The following PLA2R1 variants were observed in gnomAD, a reference collection of about 807,000 sequenced individuals.
PLA2R1 encodes secretory phospholipase A2 receptor.
A neutral mutation model predicts 195.9 loss-of-function variants in PLA2R1; 158 were observed. The ratio of observed to expected loss-of-function variants is 0.81; its 90% CI spans 0.71 to 0.92. PLA2R1 has a LOEUF of 0.92. Ranked by LOEUF, PLA2R1 falls within the 40% of genes least tolerant of loss-of-function variation. PLA2R1 has a pLI of 0.00. For synonymous variants in PLA2R1, 586 were observed against 598.2 expected (o/e 0.98, Z 0.30); for missense variants, 1,626 against 1,764.6 (o/e 0.92, Z 1.41).
rs534121596 is a variant in PLA2R1 at position 159,964,282 on chromosome 2, T to C, written c.2904+3257A>G. Among the ~76,000 whole-genome samples, 3 of 152,302 alleles carry C rather than the reference T, an allele frequency of 2.0e-5. No individual in the cohort carries two copies. The South Asian group carries it at 6.2e-4, about 32-fold the overall frequency. On this transcript the variant is annotated intron_variant, in intron 20 of 29. Coordinates refer to ENST00000283243, the MANE Select transcript of PLA2R1 (RefSeq NM_007366.5). ...ATGGTTACAGAGTTTCTGTTTGGGA[T>C]AGTGAGAATGTTTTGGAAATAGAGA...
At chr2:159,945,513 C>T (rs547134466) in intron 27 of PLA2R1, among the ~76,000 whole-genome samples, 1 of 152,354 alleles carries the variant, frequency 6.6e-6, no homozygotes, top group Admixed American at 6.5e-5. Context: ...CATGTCCCTA[C>T]AAAGGACATG....
intron 8 of PLA2R1, among the ~76,000 whole-genome samples, chr2:160,019,339 C>T (rs150961988): frequency 2.0e-5 from 3 of 152,192 alleles, no homozygotes; most frequent in African/African-American, 7.2e-5. Flanking sequence ...TTCATCACAG[C>T]AGTCAATGGC....
intron 9 of PLA2R1, among the ~76,000 whole-genome samples, chr2:160,014,013 A>G (rs566356888): frequency 9.9e-5 from 15 of 152,172 alleles, no homozygotes; most frequent in Non-Finnish European, 2.1e-4. Context: ...AACAAAGAGA[A>G]TATATGTATC....
intron 6 of PLA2R1, among the ~76,000 whole-genome samples, chr2:160,026,151 T>G (rs67650243): frequency 0.16 from 25,096 of 152,158 alleles, 2,379 homozygotes; most frequent in African/African-American, 0.24. Flanking sequence ...CAGTCAATTT[T>G]ATTTTAAAAA....
chr2:159,942,030 C>G, intron 29 of PLA2R1, 38 bp from the exon 30 acceptor site: 1 of 1,579,630 alleles, frequency 6.3e-7, no homozygotes, highest in South Asian at 1.1e-5. Flanking sequence ...AGAAAAACTT[C>G]AGTGGCGATG....
intron 2 of PLA2R1, among the ~76,000 whole-genome samples, chr2:160,044,144 CTTT>C (rs11448444): frequency 6.6e-6 from 1 of 151,192 alleles, no homozygotes; most frequent in African/African-American, 2.4e-5. Flanking sequence ...ATGTAACTTT[CTTT>C]TTTTTTCTGT....
At chr2:160,051,409 G>A (rs1553469585) in intron 1 of PLA2R1, among the ~76,000 whole-genome samples, 1 of 152,220 alleles carries the variant, frequency 6.6e-6, no homozygotes, top group Non-Finnish European at 1.5e-5. Context: ...CTGCCCGGCA[G>A]CCTGTCTTGA....
chr2:159,967,094 G>A (rs1203841888), intron 20 of PLA2R1, among the ~76,000 whole-genome samples: 3 of 152,058 alleles, frequency 2.0e-5, no homozygotes, highest in Non-Finnish European at 4.4e-5. Context: ...AGTAGGAGAT[G>A]GAGTCTGGGT....
rs1689536941 is a variant in PLA2R1, at chr2:159,976,131, G to A, written c.2532C>T (p.His844=). The stretch of plus-strand genomic sequence containing the variant: ...CAGAATGAATTGTGAGAAGATCACT[G>A]TGCAGCCAGCTACAGACAAACTCAA... The part of the protein sequence containing the change: ...LNFEFVCSWL[H]SDLLTIHSAH... Residue 844 remains histidine, a synonymous_variant, in exon 17 of 30, where the codon CAC becomes CAT. Coordinates refer to ENST00000283243, the MANE Select transcript of PLA2R1 (RefSeq NM_007366.5). 6.2e-7 allele frequency: 1 copy of A among 1,612,594 alleles called. No individual in the cohort carries two copies. Among genetic ancestry groups the A allele is most frequent in the Non-Finnish European group, 8.5e-7 (1 of 1,178,852 alleles).
chr2:159,930,532 C>G (rs1358338264), downstream of PLA2R1, among the ~76,000 whole-genome samples: 1 of 152,154 alleles, frequency 6.6e-6, no homozygotes, highest in Non-Finnish European at 1.5e-5. Flanking sequence ...CTGTTCCCCC[C>G]AAACCCCTTG....
chr2:159,996,517 G>A (rs1691222017), intron 11 of PLA2R1, among the ~76,000 whole-genome samples: 1 of 152,020 alleles, frequency 6.6e-6, no homozygotes, highest in Non-Finnish European at 1.5e-5. Flanking sequence ...ATGTCTACGT[G>A]TAGTTTTTCG....
chr2:159,930,278 C>T (rs539878942), downstream of PLA2R1, among the ~76,000 whole-genome samples: 2 of 152,040 alleles, frequency 1.3e-5, no homozygotes, highest in Non-Finnish European at 2.9e-5. Flanking sequence ...CATGGTGGCA[C>T]GCGCCTGTAG....
At chr2:159,951,242 A>G (rs558686834) in intron 24 of PLA2R1, 98 bp downstream of exon 24, 9 of 717,864 alleles carry the variant, frequency 1.3e-5, no homozygotes, top group South Asian at 1.0e-4. Context: ...TATTTTTGGG[A>G]TCTTTTTTTC....
intron 11 of PLA2R1, among the ~76,000 whole-genome samples, chr2:160,002,119 G>A (rs1691640949): frequency 6.6e-6 from 1 of 151,696 alleles, no homozygotes; most frequent in South Asian, 2.1e-4. Context: ...CTTGACCACA[G>A]TGCAATTAAA....
In PLA2R1 at chr2:159,940,873, C is replaced by A. The variant is rs1228540109; in HGVS notation, c.*905G>T. ...GTTCTAATGAGACTATAATTCAGAT[C>A]TTTAGCTCTTCTCCTTTAAATCCAA... On this transcript the variant is annotated 3_prime_UTR_variant, in exon 30 of 30. Transcript: ENST00000283243. 1 of 152,116 alleles carries A rather than the reference C, an allele frequency of 6.6e-6. No homozygotes were observed. The highest frequency in any genetic ancestry group is 1.9e-4 in the East Asian group (1 of 5,186). 9.4% of individuals were successfully genotyped at this position (152,116 alleles called of 1,614,324 possible).
Position 160,044,847 on chromosome 2 carries a change from G to C in PLA2R1, c.420C>G (p.Ala140=). 6.2e-7 allele frequency: 1 copy of C among 1,613,902 alleles called. No homozygotes were observed. Among genetic ancestry groups the C allele is most frequent in the South Asian group, 1.1e-5 (1 of 91,076 alleles). The change falls in exon 2 of 30, where the codon GCC becomes GCG. Residue 140 remains alanine (A), a synonymous_variant. Transcript: ENST00000283243. ...VQVAHDNTVV[A]SRKYIHKWIS... is the part of the protein sequence containing the mutation. ...TCCACTTATGAATATACTTCCGTGA[G>C]GCCACCACTGTGTTGTCATGCGCCA...
chr2:160,055,691 G>T (rs1695491477), intron 1 of PLA2R1, among the ~76,000 whole-genome samples: 1 of 152,182 alleles, frequency 6.6e-6, no homozygotes. Flanking sequence ...GCTCCTGTGG[G>T]CACAAGTTAC....
intron 27 of PLA2R1, among the ~76,000 whole-genome samples, chr2:159,945,532 A>AT (rs1307227311): frequency 2.6e-5 from 4 of 152,122 alleles, no homozygotes; most frequent in East Asian, 3.8e-4. Context: ...TGAACTCATC[A>AT]TTTTTTTATG....
chr2:160,030,508 T>C (rs1366009446), intron 4 of PLA2R1, among the ~76,000 whole-genome samples: 1 of 152,244 alleles, frequency 6.6e-6, no homozygotes, highest in Non-Finnish European at 1.5e-5. Context: ...ATTATTCTTA[T>C]CTTAGAATTT....
Sources: allele counts gnomAD v4.1 joint callset (sites outside exome capture counted in the v4.1 genomes callset), GRCh38; gene constraint gnomAD v4.1.1; transcripts MANE v1.5; gene names NCBI Gene and HGNC (gene_info 2026-07-23, HGNC 2026-07-21).